Variants in TACC1 observed in about 807,000 individuals in gnomAD.
TACC1 encodes transforming acidic coiled-coil containing protein 1, also known as transforming acidic coiled-coil-containing protein 1.
TACC1 carries 48 observed loss-of-function variants against 84.4 expected under a neutral mutation model. The ratio of observed to expected loss-of-function variants is 0.57; its 90% CI spans 0.45 to 0.72. The LOEUF (loss-of-function observed/expected upper bound fraction) is 0.72, where lower values mean the gene tolerates loss of function less well. Among genes scored for constraint, TACC1 ranks in the 30% least tolerant of loss-of-function variants. The probability of loss-of-function intolerance (pLI) is 0.00; values close to 1 mark genes in which losing one functional copy is unlikely to be tolerated. For missense variants in TACC1, 920 were observed against 973.0 expected, an observed-to-expected ratio of 0.95 and a Z score of 0.72; for synonymous variants, 372 against 376.3, an observed-to-expected ratio of 0.99 and a Z score of 0.13.
In TACC1 at chr8:38,781,872, T is replaced by C. The variant is rs527685698; in HGVS notation, c.27-6832T>C. Among the ~76,000 whole-genome samples the C allele has an allele frequency of 6.0e-4, 91 of 152,124 alleles. 1 individual carries two copies. The highest frequency in any genetic ancestry group is 1.7e-3 in the Admixed American group (26 of 15,276). On this transcript the variant is annotated intron_variant, in intron 3 of 14. Transcript: ENST00000518415. ...TCAGATGGTTTTCTTGTCTGAGCTC[T>C]AGGTATAAAACTCTCAGACTTGGAG...
intron 2 of TACC1, 47 bp from the exon 3 acceptor site, chr8:38,819,475 C>A: frequency 6.5e-7 from 1 of 1,548,542 alleles, no homozygotes; most frequent in Non-Finnish European, 8.7e-7. Flanking sequence ...GGATACTTAC[C>A]AGTGACAGAT....
chr8:38,796,087 G>T (rs943080661), intron 2 of TACC1, among the ~76,000 whole-genome samples: 1 of 152,126 alleles, frequency 6.6e-6, no homozygotes, highest in African/African-American at 2.4e-5. Context: ...CCAGCTATCT[G>T]TTTCAGCCGT....
intron 11 of TACC1, chr8:38,846,451 A>AG (rs1404698027): frequency 1.2e-5 from 4 of 347,078 alleles, no homozygotes; most frequent in Non-Finnish European, 2.1e-5. Context: ...AAAAAAAAAA[A>AG]AAAATCTAAG....
intron 3 of TACC1, among the ~76,000 whole-genome samples, chr8:38,773,166 T>A (rs7010939): frequency 0.2 from 30,399 of 151,592 alleles, 3,584 homozygotes; most frequent in Non-Finnish European, 0.27. Flanking sequence ...TCTCTATTAA[T>A]TATACAAAAA....
chr8:38,793,517 TG>T (rs1370496836), intron 2 of TACC1, among the ~76,000 whole-genome samples: 1 of 151,952 alleles, frequency 6.6e-6, no homozygotes, highest in Admixed American at 6.6e-5. Context: ...TTTTAAAGGG[TG>T]GACTGTATGG....
intron 11 of TACC1, among the ~76,000 whole-genome samples, chr8:38,844,057 A>G (rs547803924): frequency 9.8e-5 from 15 of 152,344 alleles, no homozygotes; most frequent in African/African-American, 3.6e-4. Flanking sequence ...TCTTTTTTCT[A>G]CAACTGTGCC....
chr8:38,830,991 T>C, intron 5 of TACC1, 134 bp from the exon 6 acceptor site: 1 of 747,626 alleles, frequency 1.3e-6, no homozygotes, highest in South Asian at 1.7e-5. Flanking sequence ...GCGCTCCTTT[T>C]AAATAAAATC....
chr8:38,807,240 G>A (rs1822980311), intron 2 of TACC1, among the ~76,000 whole-genome samples: 1 of 152,168 alleles, frequency 6.6e-6, no homozygotes, highest in Admixed American at 6.5e-5. Flanking sequence ...GGTGGAGAGG[G>A]CTGAAAATTC....
At chr8:38,826,471 T>C (rs1828073274) in intron 4 of TACC1, among the ~76,000 whole-genome samples, 2 of 152,192 alleles carry the variant, frequency 1.3e-5, no homozygotes, top group African/African-American at 4.8e-5. Context: ...ATTTTGAAAA[T>C]AAGTTGTGCA....
At position 38,778,081 on chromosome 8, in the gene TACC1, G is replaced by C. The variant is rs1296824444; in HGVS notation, c.27-10623G>C. 1.3e-5 allele frequency among the ~76,000 whole-genome samples: 2 copies of C among 152,192 alleles called. 1 individual carries two copies. Among genetic ancestry groups the C allele is most frequent in the South Asian group, 4.1e-4 (2 of 4,832 alleles). ...AGGTGCATAGACACACAATGTTAAA[G>C]AAGCATTATAGTTTTTCTTTTTTAT... On this transcript the variant is annotated intron_variant, in intron 3 of 14. Transcript: ENST00000518415.
intron 2 of TACC1, among the ~76,000 whole-genome samples, chr8:38,798,512 T>G (rs1163712835): frequency 6.6e-6 from 1 of 151,974 alleles, no homozygotes; most frequent in East Asian, 1.9e-4. Context: ...GCAATGAAAT[T>G]TGCCCTACCG....
intron 6 of TACC1, among the ~76,000 whole-genome samples, chr8:38,831,981 A>AT (rs1829353550): frequency 6.6e-6 from 1 of 151,858 alleles, no homozygotes. Context: ...TAATTTTTGT[A>AT]TTATTAGTAG....
chr8:38,765,163 CTT>C lies in TACC1; in HGVS notation c.26+19680_26+19681del, dbSNP rs55673136. On this transcript the variant is annotated intron_variant, in intron 3 of 14. Coordinates refer to the TACC1 transcript ENST00000518415. ...TGTTTAACTCTTGATGGCTTTGTTT[CTT>C]TTTTTTTTTAATGTGTAATTTTATT... 4.8e-5 allele frequency among the ~76,000 whole-genome samples: 7 copies of C among 145,990 alleles called. 1 individual carries two copies. The highest frequency in any genetic ancestry group is 4.3e-4 in the South Asian group (2 of 4,622).
intron 3 of TACC1, among the ~76,000 whole-genome samples, chr8:38,753,381 G>A (rs1253256653): frequency 6.6e-6 from 1 of 152,134 alleles, no homozygotes; most frequent in African/African-American, 2.4e-5. Context: ...TGAAATTACA[G>A]GTGTGAGCCA....
At chr8:38,828,951 C>A (rs961475420) in intron 5 of TACC1, among the ~76,000 whole-genome samples, 4 of 152,114 alleles carry the variant, frequency 2.6e-5, no homozygotes, top group Non-Finnish European at 5.9e-5. Context: ...TGAGATTGAC[C>A]AGTGCACTGT....
At chr8:38,744,313 A>G (rs140937638) in intron 2 of TACC1, among the ~76,000 whole-genome samples, 127 of 152,100 alleles carry the variant, frequency 8.3e-4, no homozygotes, top group African/African-American at 2.8e-3. Context: ...ACGGGGATTC[A>G]CCATCTTGGC....
chr8:38,748,498 T>C (rs1243279517), intron 3 of TACC1, among the ~76,000 whole-genome samples: 1 of 152,190 alleles, frequency 6.6e-6, no homozygotes, highest in Non-Finnish European at 1.5e-5. Context: ...AAATGCACAT[T>C]CTTTTCAAGT....
intron 2 of TACC1, among the ~76,000 whole-genome samples, chr8:38,817,554 ACTAT>A (rs903447902): frequency 1.3e-5 from 2 of 152,222 alleles, no homozygotes; most frequent in African/African-American, 4.8e-5. Flanking sequence ...TGCCATACTT[ACTAT>A]CTCTTTTTTA....
At chr8:38,747,360 C>T (rs749392813) in intron 3 of TACC1, among the ~76,000 whole-genome samples, 10 of 152,170 alleles carry the variant, frequency 6.6e-5, no homozygotes, top group Non-Finnish European at 1.5e-4. Flanking sequence ...TGGGTATTTA[C>T]CCAAATGAGC....
Sources: allele counts gnomAD v4.1 joint callset (sites outside exome capture counted in the v4.1 genomes callset), GRCh38; gene constraint gnomAD v4.1.1; transcripts MANE v1.5; gene names NCBI Gene and HGNC (gene_info 2026-07-23, HGNC 2026-07-21).